Variants in RPS29 observed in about 807,000 individuals in gnomAD.
The protein encoded by RPS29 is small ribosomal subunit protein uS14.
For synonymous variants in RPS29, 37 were observed against 26.9 expected, an observed-to-expected ratio of 1.37 and a Z score of -1.16; for missense variants, 60 against 75.7, an observed-to-expected ratio of 0.79 and a Z score of 0.77.
Position 49,597,909 on chromosome 14 carries a change from A to C in RPS29, c.-133+491T>G, listed in dbSNP as rs180697003. The C allele has an allele frequency of 8.0e-3, 1,221 of 153,014 alleles. 9 individuals carry two copies. The highest frequency in any genetic ancestry group is 0.012 in the Non-Finnish European group (850 of 68,670). 9.5% of individuals were successfully genotyped at this position (153,014 alleles called of 1,614,324 possible). ...AGCGACCTGCCTGCCTCAGCCCCGC[A>C]AAGTGCTGGGATTACAGGCGTGAGC... On this transcript the variant is annotated intron_variant, in intron 1 of 3. Transcript: ENST00000556230.
In RPS29 at chr14:49,577,674, T is replaced by C. The variant is rs2883438; in HGVS notation, c.*138A>G. On this transcript the variant is annotated 3_prime_UTR_variant, in exon 3 of 3. Coordinates refer to the RPS29 transcript ENST00000396020. ...TCAAACCTTCTATGAACCCTGTTGT[T>C]AATACCTCTGTGTTTCCACCAGTTA... is the stretch of plus-strand genomic sequence containing the variant. 520,805 of 765,400 alleles carry C rather than the reference T, an allele frequency of 0.68. 186,032 individuals are homozygous for C. The highest frequency in any genetic ancestry group is 0.75 in the Non-Finnish European group (318,549 of 427,018). The allele number at this position is 765,400 out of a possible 1,614,324, so 47.4% of individuals were successfully genotyped here. A position where few individuals can be genotyped will look rare whatever the true frequency, so the allele number is the denominator to read the frequency against.
chr14:49,593,765 G>A (rs376441944), intron 1 of RPS29, among the ~76,000 whole-genome samples: 6 of 150,688 alleles, frequency 4.0e-5, no homozygotes, highest in South Asian at 4.2e-4. Context: ...GTATACTGGG[G>A]GCAGGTGCTA....
chr14:49,579,227 T>A (rs752083104), downstream of RPS29, among the ~76,000 whole-genome samples: 7 of 152,150 alleles, frequency 4.6e-5, no homozygotes, highest in Non-Finnish European at 8.8e-5. Context: ...AAGGACACAA[T>A]GAGAAGGCAC....
chr14:49,595,381 T>C (rs888441553), intron 1 of RPS29, among the ~76,000 whole-genome samples: 3 of 150,236 alleles, frequency 2.0e-5, no homozygotes, highest in African/African-American at 4.9e-5. Flanking sequence ...AGGTCAGGAG[T>C]TCAAGACCAG....
At chr14:49,586,437 T>A, upstream of RPS29, 1 of 1,159,582 alleles carries the variant, frequency 8.6e-7, no homozygotes. Flanking sequence ...CAGAATGCAG[T>A]GCTCAAAGGA....
chr14:49,577,572 C>A, exon 3 of RPS29: 1 of 643,126 alleles, frequency 1.6e-6, no homozygotes. Context: ...GGACCAGGAA[C>A]TTCCAGAAGC....
chr14:49,586,832 A>C (rs943103865), upstream of RPS29: 1 of 174,102 alleles, frequency 5.7e-6, no homozygotes, highest in Non-Finnish European at 1.3e-5. Flanking sequence ...GCGCCTGTGA[A>C]TAGCCACTGC....
intron 1 of RPS29, among the ~76,000 whole-genome samples, chr14:49,593,752 G>C (rs966853096): frequency 2.1e-5 from 3 of 144,188 alleles, no homozygotes; most frequent in Non-Finnish European, 4.5e-5. Flanking sequence ...TCACAAGAAA[G>C]GGGTATACTG....
upstream of RPS29, chr14:49,586,737 C>T (rs888888727): frequency 7.4e-5 from 18 of 244,302 alleles, no homozygotes; most frequent in Non-Finnish European, 1.4e-4. Context: ...GAGCGGGGGA[C>T]CACCAGGTTG....
At chr14:49,595,500 G>A (rs748115393) in intron 1 of RPS29, among the ~76,000 whole-genome samples, 38 of 152,130 alleles carry the variant, frequency 2.5e-4, no homozygotes, top group Non-Finnish European at 4.6e-4. Flanking sequence ...TCAGCTACTC[G>A]GGAGGCTGGG....
At chr14:49,589,624 G>A (rs1270629785), upstream of RPS29, among the ~76,000 whole-genome samples, 1 of 152,202 alleles carries the variant, frequency 6.6e-6, no homozygotes, top group Non-Finnish European at 1.5e-5. Context: ...AAGCAGTTTG[G>A]TGATTTCTTA....
At chr14:49,577,730 T>C in exon 3 of RPS29, 1 of 1,065,164 alleles carries the variant, frequency 9.4e-7, no homozygotes, top group East Asian at 2.4e-5. Flanking sequence ...GTCTGACTGG[T>C]TCCCAGTGAA....
chr14:49,574,767 A>G (rs1594565138), exon 3 of RPS29: 1 of 152,408 alleles, frequency 6.6e-6, no homozygotes, highest in South Asian at 2.1e-4. Flanking sequence ...GAGCTGACTC[A>G]GAGCAAAGCA....
chr14:49,597,656 T>C (rs1880921692), intron 1 of RPS29: 1 of 78,722 alleles, frequency 1.3e-5, no homozygotes, highest in African/African-American at 4.3e-5. Context: ...GGGAAAGTAA[T>C]TTCTTTTTTT....
chr14:49,583,012 A>G (rs182588225), downstream of RPS29, among the ~76,000 whole-genome samples: 4 of 152,294 alleles, frequency 2.6e-5, no homozygotes, highest in East Asian at 7.7e-4. Context: ...ATTCCTTAAA[A>G]CATTTTTTTC....
In RPS29 at chr14:49,593,778, T is replaced by C. The variant is rs538687658; in HGVS notation, c.-133+4622A>G. 7.8e-5 allele frequency among the ~76,000 whole-genome samples: 11 copies of C among 141,474 alleles called. No homozygotes were observed. The South Asian group carries it at 2.0e-3, about 26-fold the overall frequency. 92.8% of individuals were successfully genotyped at this position (141,474 alleles called of 152,430 possible). A position where few individuals can be genotyped will look rare whatever the true frequency, so the allele number is the denominator to read the frequency against. On this transcript the variant is annotated intron_variant, in intron 1 of 3. Coordinates refer to the RPS29 transcript ENST00000556230. ...GGGTATACTGGGGGCAGGTGCTAAG[T>C]GGGAACTGAAAAAACAGAGGCTGTC...
Position 49,586,362 on chromosome 14 carries a change from G to C in RPS29, c.-16C>G. The C allele has an allele frequency of 1.2e-6, 2 of 1,613,146 alleles. No individual in the cohort carries two copies. Among genetic ancestry groups the C allele is most frequent in the South Asian group, 2.2e-5 (2 of 91,060 alleles). ...GGTGACCCATCTTGCTCTCAGCAGT[G>C]CAACGAGGTAAAAGGAAGAAGCTGG... is the stretch of plus-strand genomic sequence containing the variant. On this transcript the variant is annotated 5_prime_UTR_variant, in exon 1 of 3. Transcript: ENST00000245458.
At chr14:49,596,623 A>T (rs925802076) in intron 1 of RPS29, among the ~76,000 whole-genome samples, 1 of 152,168 alleles carries the variant, frequency 6.6e-6, no homozygotes, top group East Asian at 1.9e-4. Context: ...TAAGACTGAC[A>T]ATTAGGAAGA....
chr14:49,578,166 A>G (rs917185469), intron 2 of RPS29, among the ~76,000 whole-genome samples: 4 of 152,150 alleles, frequency 2.6e-5, no homozygotes, highest in African/African-American at 7.2e-5. Flanking sequence ...CACAGAATTA[A>G]TATCAATGAG....
Sources: allele counts gnomAD v4.1 joint callset (sites outside exome capture counted in the v4.1 genomes callset), GRCh38; gene constraint gnomAD v4.1.1; transcripts MANE v1.5; gene names NCBI Gene and HGNC (gene_info 2026-07-23, HGNC 2026-07-21).